The following SLC17A1 variants were observed in gnomAD, a reference collection of about 807,000 sequenced individuals.
The protein encoded by SLC17A1 is sodium-dependent phosphate transport protein 1.
SLC17A1 carries 51 observed loss-of-function variants against 53.5 expected under a neutral mutation model. The ratio of observed to expected loss-of-function variants is 0.95; its 90% CI spans 0.76 to 1.20. The LOEUF is 1.20. SLC17A1 is among the 50% of genes most tolerant of loss of function. The pLI is 0.00. For synonymous variants in SLC17A1, 179 were observed against 198.8 expected, an observed-to-expected ratio of 0.90 and a Z score of 0.84; for missense variants, 538 against 568.2, an observed-to-expected ratio of 0.95 and a Z score of 0.54.
chr6:25,819,307 TTCTC>T (rs1319993960), intron 5 of SLC17A1, among the ~76,000 whole-genome samples, 153 bp from the exon 6 acceptor site: 1 of 152,206 alleles, frequency 6.6e-6, no homozygotes, highest in African/African-American at 2.4e-5. Flanking sequence ...ATATTTTCTT[TTCTC>T]TCTTTTTCTC....
the SLC17A1 span, among the ~76,000 whole-genome samples, chr6:25,771,431 G>A: frequency 6.6e-6 from 1 of 151,724 alleles, no homozygotes; most frequent in South Asian, 2.1e-4. Flanking sequence ...AAAATTAGCC[G>A]AGTGTGATGG....
chr6:25,801,752 C>T (rs751513747), intron 10 of SLC17A1, among the ~76,000 whole-genome samples: 2 of 152,164 alleles, frequency 1.3e-5, no homozygotes, highest in Non-Finnish European at 2.9e-5. Context: ...CCCATTCCTA[C>T]TCTGCCTTTA....
the SLC17A1 span, chr6:25,726,108 CTT>C: frequency 1.3e-6 from 2 of 1,503,180 alleles, no homozygotes; most frequent in Non-Finnish European, 8.9e-7. Context: ...ACACAGAAGT[CTT>C]TTTACCAATG....
intron 3 of SLC17A1, among the ~76,000 whole-genome samples, chr6:25,822,093 C>T (rs1324199075): frequency 6.6e-6 from 1 of 152,156 alleles, no homozygotes; most frequent in African/African-American, 2.4e-5. Flanking sequence ...ACACAATCTC[C>T]TTGACTTTGA....
downstream of SLC17A1, chr6:25,780,664 G>A (rs1763246776): frequency 6.6e-6 from 1 of 152,220 alleles, no homozygotes; most frequent in Admixed American, 6.6e-5. Context: ...GAAATCAGTA[G>A]GAAGTGTCCT....
intron 6 of SLC17A1, among the ~76,000 whole-genome samples, chr6:25,815,712 C>G (rs1209303841): frequency 6.6e-6 from 1 of 152,094 alleles, no homozygotes; most frequent in Non-Finnish European, 1.5e-5. Context: ...GGCGTGGCCT[C>G]GGAACTTCCA....
At position 25,805,145 on chromosome 6, in the gene SLC17A1, T is replaced by C. The variant is rs561104191; in HGVS notation, c.1179-4165A>G. 3.3e-5 allele frequency among the ~76,000 whole-genome samples: 5 copies of C among 152,180 alleles called. No homozygotes were observed. The East Asian group carries it at 9.6e-4, about 29-fold the overall frequency. On this transcript the variant is annotated intron_variant, in intron 10 of 12. Transcript: ENST00000244527. ...CCGTATGATAGGCCACAAAAAAGTC[T>C]CAACAAATTTTTTAAAATTGATCAA...
the SLC17A1 span, chr6:25,769,277 T>G: frequency 8.0e-7 from 1 of 1,244,466 alleles, no homozygotes; most frequent in Non-Finnish European, 1.1e-6. Context: ...ATTTAACCAC[T>G]AAGTATTTAC....
intron 10 of SLC17A1, among the ~76,000 whole-genome samples, chr6:25,802,313 T>A (rs924432995): frequency 6.6e-6 from 1 of 152,194 alleles, no homozygotes; most frequent in African/African-American, 2.4e-5. Context: ...AGAAATATGA[T>A]TATTAAATTA....
downstream of SLC17A1, chr6:25,779,508 A>C (rs3734526): frequency 0.044 from 10,209 of 233,256 alleles, 794 homozygotes; most frequent in African/African-American, 0.18. Flanking sequence ...CCGAGAACTG[A>C]GAATCACAAG....
the SLC17A1 span, among the ~76,000 whole-genome samples, chr6:25,750,786 G>C: frequency 2.0e-5 from 3 of 151,376 alleles, no homozygotes; most frequent in Non-Finnish European, 4.4e-5. Flanking sequence ...TTGTGTGTGT[G>C]GGGGGAGGGG....
chr6:25,782,248 T>C (rs923033315), downstream of SLC17A1, among the ~76,000 whole-genome samples: 1 of 152,166 alleles, frequency 6.6e-6, no homozygotes, highest in African/African-American at 2.4e-5. Flanking sequence ...TGAAGTGCTC[T>C]TGTCAGACCA....
In SLC17A1 at chr6:25,826,536, C is replaced by A. The variant is rs148954451; in HGVS notation, c.132G>T (p.Met44Ile). The stretch of plus-strand genomic sequence containing the variant: ...GATCTGTGCTATTCACCATGACTAC[C>A]ATTGTGAGGTTCAGGCACGCACGCT... ...TAQRACLNLT[M>I]VVMVNSTDPH... Residue 44 changes from methionine (M) to isoleucine (I), a missense_variant, in exon 3 of 13, where the codon ATG (methionine) becomes ATT (isoleucine). Transcript: ENST00000244527. 1.2e-4 allele frequency: 197 copies of A among 1,612,422 alleles called. No homozygotes were observed. The African/African-American group carries it at 1.9e-3, about 16-fold the overall frequency.
intron 12 of SLC17A1, among the ~76,000 whole-genome samples, chr6:25,784,655 G>A (rs1351555211): frequency 1.3e-5 from 2 of 152,102 alleles, no homozygotes; most frequent in African/African-American, 4.8e-5. Flanking sequence ...ATTTCAACAT[G>A]AGATTTGGAT....
the SLC17A1 span, among the ~76,000 whole-genome samples, chr6:25,765,724 A>G: frequency 6.6e-5 from 10 of 152,254 alleles, no homozygotes; most frequent in Admixed American, 5.9e-4. Flanking sequence ...AAGGAAGAAA[A>G]CAAAGATTGT....
the SLC17A1 span, among the ~76,000 whole-genome samples, chr6:25,743,569 T>C: frequency 4.3e-4 from 66 of 152,302 alleles, no homozygotes; most frequent in African/African-American, 1.5e-3. Context: ...TCTCAATTAC[T>C]AGAGTAGATG....
At chr6:25,798,701 C>T (rs1763661104) in intron 12 of SLC17A1, 82 bp downstream of exon 12, 4 of 1,304,406 alleles carry the variant, frequency 3.1e-6, no homozygotes, top group Non-Finnish European at 4.2e-6. Flanking sequence ...GTTATTCCTT[C>T]TCGTCTGAGG....
the SLC17A1 span, chr6:25,726,874 A>AT: frequency 1.4e-5 from 22 of 1,577,934 alleles, no homozygotes; most frequent in East Asian, 2.7e-4. Context: ...ACCCTGGAAA[A>AT]GAACCGTGTA....
chr6:25,752,479 T>C, the SLC17A1 span, among the ~76,000 whole-genome samples: 2 of 152,224 alleles, frequency 1.3e-5, no homozygotes, highest in Non-Finnish European at 2.9e-5. Context: ...TACACTGCTG[T>C]AGACTTTGTA....
Sources: allele counts gnomAD v4.1 joint callset (sites outside exome capture counted in the v4.1 genomes callset), GRCh38; gene constraint gnomAD v4.1.1; transcripts MANE v1.5; gene names NCBI Gene and HGNC (gene_info 2026-07-23, HGNC 2026-07-21).